The following MXRA7 variants were observed in gnomAD, a reference collection of about 807,000 sequenced individuals.
The protein encoded by MXRA7 is matrix remodeling associated 7, also known as matrix-remodeling-associated protein 7.
In MXRA7, 18 loss-of-function variants were observed where a neutral mutation model predicts 17.4. That is an observed-to-expected ratio of 1.03 (90% CI 0.71 to 1.53). The LOEUF (loss-of-function observed/expected upper bound fraction) is 1.53. Ranked by LOEUF, MXRA7 falls within the 40% of genes most tolerant of loss-of-function variation. MXRA7 has a pLI of 0.00. For missense variants in MXRA7, 141 were observed against 209.3 expected (o/e 0.67, Z 2.01); for synonymous variants, 70 against 101.7 (o/e 0.69, Z 1.87).
chr17:76,680,481 GA>G lies in MXRA7; in HGVS notation c.*385del, dbSNP rs2076287577. The G allele has an allele frequency of 1.0e-6, 1 of 999,454 alleles. No homozygotes were observed. The highest frequency in any genetic ancestry group is 4.5e-5 in the South Asian group (1 of 22,126). The allele number at this position is 999,454 out of a possible 1,614,324, so 61.9% of individuals were successfully genotyped here. On this transcript the variant is annotated 3_prime_UTR_variant, in exon 4 of 4. Transcript: ENST00000449428. ...TGGTTTGGCTTCAGTGAGGGCAAAA[GA>G]GGGGAGACTGGAGTGAAAGTGAACT...
At chr17:76,687,945 G>A (rs972522638) in intron 2 of MXRA7, among the ~76,000 whole-genome samples, 168 bp downstream of exon 2, 1 of 152,074 alleles carries the variant, frequency 6.6e-6, no homozygotes, top group Non-Finnish European at 1.5e-5. Context: ...GGCAGGCCAG[G>A]GCAGGACATC....
chr17:76,700,390 C>T (rs1174107140), intron 1 of MXRA7, among the ~76,000 whole-genome samples: 8 of 152,146 alleles, frequency 5.3e-5, no homozygotes, highest in Admixed American at 2.0e-4. Context: ...TCTGTCTGAA[C>T]GCTTCTGGCA....
chr17:76,698,519 C>T (rs773546743), intron 1 of MXRA7, among the ~76,000 whole-genome samples: 64 of 152,058 alleles, frequency 4.2e-4, no homozygotes, highest in African/African-American at 4.8e-4. Flanking sequence ...GCTGGGGACA[C>T]GCAGGCTCCA....
chr17:76,688,713 T>G, intron 1 of MXRA7: 2 of 1,225,020 alleles, frequency 1.6e-6, no homozygotes, highest in East Asian at 6.3e-5. Flanking sequence ...AATAAACAGA[T>G]GATCAGAGGA....
chr17:76,691,695 G>T (rs8067445), intron 1 of MXRA7, among the ~76,000 whole-genome samples: 56,208 of 151,894 alleles, frequency 0.37, 11,060 homozygotes, highest in Middle Eastern at 0.5. Context: ...GGGTTCTGTG[G>T]AGTGTTGTGT....
At chr17:76,699,150 T>C (rs903367910) in intron 1 of MXRA7, among the ~76,000 whole-genome samples, 6 of 152,036 alleles carry the variant, frequency 3.9e-5, no homozygotes, top group Non-Finnish European at 7.4e-5. Context: ...TCTCCTCCAA[T>C]TCATCCTTTT....
downstream of MXRA7, chr17:76,677,430 T>C (rs2076249263): frequency 2.2e-5 from 13 of 592,688 alleles, no homozygotes; most frequent in South Asian, 2.3e-4. Flanking sequence ...CAAAGTAATA[T>C]ACACACTGCA....
rs1598334326 is a variant in MXRA7, at chr17:76,681,357, A to G, written c.501-478T>C. On this transcript the variant is annotated intron_variant, in intron 3 of 3. Coordinates refer to ENST00000449428, the MANE Select transcript of MXRA7 (RefSeq NM_198530.4). The surrounding 1 kb of genome is among the most constrained non-coding windows in gnomAD (Gnocchi z 4.7). ...GCCCGTCTTTTATGAACCAAGACAC[A>G]CTGCCAGCCCTGGGACCACTGAGAA... 3.3e-5 allele frequency among the ~76,000 whole-genome samples: 5 copies of G among 151,806 alleles called. No individual in the cohort carries two copies. The highest frequency in any genetic ancestry group is 2.6e-4 in the Admixed American group (4 of 15,256).
At chr17:76,706,289 C>G (rs539538813) in intron 1 of MXRA7, among the ~76,000 whole-genome samples, 2 of 119,522 alleles carry the variant, frequency 1.7e-5, no homozygotes, top group Non-Finnish European at 3.7e-5. Context: ...CAGAGGCCCA[C>G]GCTGCCGTCA....
intron 1 of MXRA7, among the ~76,000 whole-genome samples, chr17:76,691,470 C>T (rs974466422): frequency 1.3e-5 from 2 of 152,128 alleles, no homozygotes; most frequent in African/African-American, 4.8e-5. Flanking sequence ...GCAAGTAGGA[C>T]CAAAGTGTGG....
Position 76,679,741 on chromosome 17 carries a change from C to T in MXRA7, c.*1126G>A, listed in dbSNP as rs1397657496. On this transcript the variant is annotated 3_prime_UTR_variant, in exon 4 of 4. Transcript: ENST00000449428. ...ACGACCTATTGTGTCAATTAGATCC[C>T]AGCCTGGACAAGGGCATGACTATTG... The T allele has an allele frequency of 1.1e-5, 6 of 531,664 alleles. 2 individuals carry two copies. Among genetic ancestry groups the T allele is most frequent in the Non-Finnish European group, 1.4e-5 (6 of 416,230 alleles). 32.9% of individuals were successfully genotyped at this position (531,664 alleles called of 1,614,324 possible).
At chr17:76,700,578 G>A (rs1471474890) in intron 1 of MXRA7, among the ~76,000 whole-genome samples, 1 of 152,208 alleles carries the variant, frequency 6.6e-6, no homozygotes, top group African/African-American at 2.4e-5. Context: ...CTGCCTCTAG[G>A]CAGGAGCCCA....
chr17:76,677,705 G>A (rs754867301), downstream of MXRA7: 1 of 1,609,336 alleles, frequency 6.2e-7, no homozygotes, highest in South Asian at 1.1e-5. Flanking sequence ...TCTGAACTCT[G>A]TCGAGAAGAA....
chr17:76,684,660 A>C (rs1177278796), intron 3 of MXRA7: 1 of 443,458 alleles, frequency 2.3e-6, no homozygotes, highest in Admixed American at 2.5e-5. Context: ...GAGCACCAAG[A>C]ATCCGCTGTG....
intron 3 of MXRA7, chr17:76,683,971 A>G: frequency 6.7e-7 from 1 of 1,498,288 alleles, no homozygotes; most frequent in Non-Finnish European, 9.3e-7. Flanking sequence ...AAGCGGCAGC[A>G]TCCTCAGCAC....
chr17:76,673,598 A>C (rs2076218350), exon 4 of MXRA7: 1 of 152,188 alleles, frequency 6.6e-6, no homozygotes, highest in Admixed American at 6.5e-5. Context: ...TGGGCTTTCT[A>C]TCAGGCTCTA....
At chr17:76,677,752 GGA>G, downstream of MXRA7, 2 of 1,340,056 alleles carry the variant, frequency 1.5e-6, no homozygotes, top group Non-Finnish European at 2.1e-6. Context: ...AGCCCACTGG[GGA>G]GAGAGGGAGC....
downstream of MXRA7, chr17:76,677,345 C>T: frequency 4.6e-6 from 2 of 438,688 alleles, no homozygotes; most frequent in South Asian, 3.8e-5. Flanking sequence ...CCAATAACAG[C>T]TGGAACCTCA....
downstream of MXRA7, among the ~76,000 whole-genome samples, chr17:76,679,302 A>AAAAAG (rs1567974789): frequency 1.3e-5 from 2 of 151,216 alleles, no homozygotes; most frequent in African/African-American, 4.9e-5. Flanking sequence ...AAAAAAAAAA[A>AAAAAG]AAGAAGAAGA....
Sources: allele counts gnomAD v4.1 joint callset (sites outside exome capture counted in the v4.1 genomes callset), GRCh38; gene constraint gnomAD v4.1.1; non-coding constraint Gnocchi (gnomAD v3.1); transcripts MANE v1.5; gene names NCBI Gene and HGNC (gene_info 2026-07-23, HGNC 2026-07-21).